Variants in ARHGAP12 observed in about 807,000 individuals in gnomAD.
The protein encoded by ARHGAP12 is Rho GTPase activating protein 12, also known as rho GTPase-activating protein 12.
Under a neutral mutation model 108.6 loss-of-function variants are expected in ARHGAP12, and 64 were observed. That is an observed-to-expected ratio of 0.59 (90% CI 0.48 to 0.73). The LOEUF (loss-of-function observed/expected upper bound fraction) is 0.73. Ranked by LOEUF, ARHGAP12 falls within the 30% of genes least tolerant of loss-of-function variation. The probability of loss-of-function intolerance (pLI) is 0.00; values close to 1 mark genes in which losing one functional copy is unlikely to be tolerated. For missense variants in ARHGAP12, 940 were observed against 1,005.9 expected (o/e 0.93, Z 0.89); for synonymous variants, 312 against 337.2 (o/e 0.93, Z 0.82).
intron 6 of ARHGAP12, among the ~76,000 whole-genome samples, chr10:31,846,653 G>A (rs1836469675): frequency 6.6e-6 from 1 of 152,064 alleles, no homozygotes; most frequent in Admixed American, 6.5e-5. Flanking sequence ...GGGGAGGGAG[G>A]GTCTTTAGTT....
Position 31,810,672 on chromosome 10 carries a change from C to A in ARHGAP12, c.2027G>T (p.Cys676Phe). The A allele has an allele frequency of 6.2e-7, 1 of 1,603,660 alleles. No individual in the cohort carries two copies. The highest frequency in any genetic ancestry group is 1.1e-5 in the South Asian group (1 of 89,044). The change falls in exon 16 of 20, where the codon TGT becomes TTT. Residue 676 changes from cysteine (C) to phenylalanine (F), a missense_variant. By Grantham distance (205) the Cys-to-Phe change is radical. Transcript: ENST00000344936. ...ACCATGTTCTTCAACATGTTCAATA[C>A]ATAACTTCACAAACTTTGGTACTGT... ...NGTVPKFVKL[C>F]IEHVEEHGLD...
At chr10:31,891,593 C>T (rs1156277056) in intron 3 of ARHGAP12, among the ~76,000 whole-genome samples, 3 of 138,624 alleles carry the variant, frequency 2.2e-5, no homozygotes, top group Non-Finnish European at 4.9e-5. Context: ...ATCTCTGTGG[C>T]GTTCTCTGTA....
intron 11 of ARHGAP12, 23 bp downstream of exon 11, chr10:31,826,281 C>A (rs752787518): frequency 7.6e-6 from 12 of 1,570,146 alleles, no homozygotes; most frequent in African/African-American, 2.7e-5. Flanking sequence ...TGTATAAAAT[C>A]TCCAAAGAGA....
intron 4 of ARHGAP12, among the ~76,000 whole-genome samples, chr10:31,861,016 G>A (rs1215681064): frequency 1.3e-5 from 2 of 152,172 alleles, no homozygotes; most frequent in African/African-American, 4.8e-5. Flanking sequence ...CATTGCACCA[G>A]GGCTCTCCAG....
intron 3 of ARHGAP12, among the ~76,000 whole-genome samples, chr10:31,862,059 C>G (rs1837136760): frequency 6.6e-6 from 1 of 152,098 alleles, no homozygotes. Context: ...CTCTCAAATT[C>G]TATGATTTTA....
intron 9 of ARHGAP12, 137 bp downstream of exon 9, chr10:31,839,168 G>A: frequency 5.9e-6 from 5 of 850,720 alleles, no homozygotes; most frequent in Non-Finnish European, 9.0e-6. Context: ...GTCACATGGA[G>A]GTTTTCCAGT....
chr10:31,925,089 A>G (rs1481751703), intron 1 of ARHGAP12, among the ~76,000 whole-genome samples: 1 of 152,184 alleles, frequency 6.6e-6, no homozygotes, highest in East Asian at 1.9e-4. Context: ...AGTGCAGCTT[A>G]TTAGTAGTAC....
chr10:31,817,016 C>T (rs559380310), intron 13 of ARHGAP12, among the ~76,000 whole-genome samples: 95 of 151,826 alleles, frequency 6.3e-4, no homozygotes, highest in Non-Finnish European at 1.2e-3. Flanking sequence ...GAGCCATGTC[C>T]CCATATGGTG....
At chr10:31,919,627 A>G (rs1322734046) in intron 1 of ARHGAP12, among the ~76,000 whole-genome samples, 4 of 150,680 alleles carry the variant, frequency 2.7e-5, no homozygotes, top group African/African-American at 9.8e-5. Flanking sequence ...CGTCTCTACT[A>G]AAAATGCAAA....
chr10:31,907,638 A>C (rs1310487130), intron 3 of ARHGAP12, among the ~76,000 whole-genome samples: 1 of 151,356 alleles, frequency 6.6e-6, no homozygotes, highest in Non-Finnish European at 1.5e-5. Context: ...TGTCTTAAAA[A>C]AAAAAAAAAA....
chr10:31,857,311 A>G (rs1236979949), intron 4 of ARHGAP12, among the ~76,000 whole-genome samples: 1 of 152,180 alleles, frequency 6.6e-6, no homozygotes, highest in Non-Finnish European at 1.5e-5. Flanking sequence ...AAACTCCCCT[A>G]AACAAATAAA....
At chr10:31,819,940 T>C (rs1446399866) in intron 12 of ARHGAP12, among the ~76,000 whole-genome samples, 3 of 148,054 alleles carry the variant, frequency 2.0e-5, no homozygotes, top group Admixed American at 6.9e-5. Context: ...TTTTAAAAGA[T>C]AAAATGGAAA....
chr10:31,814,121 G>A (rs1592243591), intron 14 of ARHGAP12, 138 bp downstream of exon 14: 4 of 679,796 alleles, frequency 5.9e-6, no homozygotes, highest in East Asian at 2.6e-5. Context: ...CTGACACACT[G>A]AGACTGCACT....
intron 3 of ARHGAP12, among the ~76,000 whole-genome samples, chr10:31,883,787 C>T (rs894336111): frequency 6.6e-6 from 1 of 151,590 alleles, no homozygotes; most frequent in African/African-American, 2.4e-5. Flanking sequence ...TCTCAGCTCA[C>T]TGCAACCTCT....
chr10:31,881,369 C>T (rs1837950892), intron 3 of ARHGAP12, among the ~76,000 whole-genome samples: 1 of 151,964 alleles, frequency 6.6e-6, no homozygotes, highest in Non-Finnish European at 1.5e-5. Flanking sequence ...CAACACGGAA[C>T]ACACACAAAA....
At chr10:31,825,411 A>T (rs1359995679) in intron 11 of ARHGAP12, among the ~76,000 whole-genome samples, 1 of 152,168 alleles carries the variant, frequency 6.6e-6, no homozygotes, top group Non-Finnish European at 1.5e-5. Context: ...CATTTAGAAT[A>T]ATTTCATTTT....
chr10:31,901,183 T>C (rs1838904640), intron 3 of ARHGAP12, among the ~76,000 whole-genome samples: 1 of 143,884 alleles, frequency 7.0e-6, no homozygotes, highest in Non-Finnish European at 1.5e-5. Flanking sequence ...GCCACTGCAC[T>C]CCACTCTGGG....
intron 3 of ARHGAP12, among the ~76,000 whole-genome samples, chr10:31,865,601 C>T (rs777946785): frequency 1.3e-5 from 2 of 151,920 alleles, no homozygotes; most frequent in African/African-American, 2.4e-5. Context: ...GCTGGCCAGG[C>T]GCGGCGACTC....
At chr10:31,865,054 A>C (rs1014330865) in intron 3 of ARHGAP12, among the ~76,000 whole-genome samples, 3 of 152,180 alleles carry the variant, frequency 2.0e-5, no homozygotes, top group African/African-American at 7.2e-5. Flanking sequence ...CTTTCAGGGA[A>C]TGATGCTGAC....
Sources: allele counts gnomAD v4.1 joint callset (sites outside exome capture counted in the v4.1 genomes callset), GRCh38; gene constraint gnomAD v4.1.1; transcripts MANE v1.5; gene names NCBI Gene and HGNC (gene_info 2026-07-23, HGNC 2026-07-21).